Variants in MEA1 observed in about 807,000 individuals in gnomAD.
MEA1 encodes Male-enhanced antigen (H-Y structural gene).
MEA1 carries 22 observed loss-of-function variants against 21.4 expected under a neutral mutation model. That is an observed-to-expected ratio of 1.03 (90% CI 0.73 to 1.47). The LOEUF (loss-of-function observed/expected upper bound fraction) is 1.47. MEA1 is among the 40% of genes most tolerant of loss of function. MEA1 has a pLI of 0.00. For missense variants in MEA1, 233 were observed against 230.5 expected (o/e 1.01, Z -0.07); for synonymous variants, 91 against 85.5 (o/e 1.06, Z -0.35).
chr6:43,013,519 C>T, intron 1 of MEA1, 130 bp from the exon 2 acceptor site: 1 of 1,028,312 alleles, frequency 9.7e-7, no homozygotes, highest in Non-Finnish European at 1.4e-6. Context: ...CATCCTCCAC[C>T]CCTCCGCCCC....
At position 43,012,952 on chromosome 6, in the gene MEA1, T is replaced by A. The variant is rs754402915; in HGVS notation, c.380A>T (p.Asn127Ile). The A allele has an allele frequency of 6.2e-7, 1 of 1,614,036 alleles. No homozygotes were observed. Among genetic ancestry groups the A allele is most frequent in the South Asian group, 1.1e-5 (1 of 91,088 alleles). ...TGGGTCCATGGGAATAGAGCTGTGGTTGTTCAACGCTGTAGCTCCCTCCTC... is the reference window on the plus strand; with the variant it reads ...TGGGTCCATGGGAATAGAGCTGTGGATGTTCAACGCTGTAGCTCCCTCCTC... The part of the protein sequence containing the change: ...EDEEGATALN[N>I]HSSIPMDPEH... The change falls in exon 3 of 4, where the codon AAC becomes ATC. Residue 127 changes from asparagine (N) to isoleucine (I), a missense_variant. Transcript: ENST00000244711.
chr6:43,011,243 A>G lies in MEA1; in HGVS notation c.*1227T>C. On this transcript the variant is annotated 3_prime_UTR_variant, in exon 4 of 4. Transcript: ENST00000244711. ...ACCATCAAGGCACTGGAGGCGCACA[A>G]GCGGGCGGAAGAGTTCCTAACTGCC... is the stretch of plus-strand genomic sequence containing the variant. 1.2e-6 allele frequency: 2 copies of G among 1,614,086 alleles called. No individual in the cohort carries two copies. Among genetic ancestry groups the G allele is most frequent in the Non-Finnish European group, 1.7e-6 (2 of 1,180,008 alleles).
upstream of MEA1, among the ~76,000 whole-genome samples, chr6:43,016,090 C>T (rs867602239): frequency 4.0e-5 from 6 of 151,840 alleles, no homozygotes; most frequent in East Asian, 2.0e-4. Context: ...TGCGCGCCAC[C>T]GTGCCCAGCT....
At position 43,013,929 on chromosome 6, in the gene MEA1, G is replaced by A. The variant is rs1414055613; in HGVS notation, c.-116C>T. ...AGAGCCCGCGGCCTCCACTTCCGGC[G>A]GGGCAGGACGTGCAGAGGTGCCTAG... On this transcript the variant is annotated 5_prime_UTR_variant, in exon 1 of 4. Transcript: ENST00000244711. 2.9e-5 allele frequency: 43 copies of A among 1,471,408 alleles called. No homozygotes were observed. Among genetic ancestry groups the A allele is most frequent in the Non-Finnish European group, 3.7e-5 (41 of 1,111,126 alleles). 91.1% of individuals were successfully genotyped at this position (1,471,408 alleles called of 1,614,324 possible).
At chr6:43,015,920 C>A (rs1289203298), upstream of MEA1, among the ~76,000 whole-genome samples, 1 of 149,846 alleles carries the variant, frequency 6.7e-6, no homozygotes, top group Non-Finnish European at 1.5e-5. Flanking sequence ...TGCCCAAGGG[C>A]ATTTTTTGCC....
At position 43,012,426 on chromosome 6, in the gene MEA1, G is replaced by C. The variant is rs190925869; in HGVS notation, c.*44C>G. Reference sequence around the variant, plus strand: ...CAGGGATGTGTTCAGTCCTGTGCTGGTTCTGGCCTGGAATGTAGGAATATA... The same window carrying C: ...CAGGGATGTGTTCAGTCCTGTGCTGCTTCTGGCCTGGAATGTAGGAATATA... On this transcript the variant is annotated 3_prime_UTR_variant, in exon 4 of 4. Transcript: ENST00000244711. 1.8e-4 allele frequency: 275 copies of C among 1,546,556 alleles called. No individual in the cohort carries two copies. The highest frequency in any genetic ancestry group is 2.3e-4 in the Non-Finnish European group (266 of 1,147,620).
rs762130343 is a variant in MEA1, at chr6:43,013,320, T to A, written c.98A>T (p.Gln33Leu). Residue 33 changes from glutamine to leucine, a missense_variant, in exon 2 of 4, where the codon CAG (glutamine) becomes CTG (leucine). Gln to Leu is a moderately radical substitution (Grantham distance 113, BLOSUM62 -2). Coordinates refer to ENST00000244711, the MANE Select transcript of MEA1 (RefSeq NM_014623.4). ...TMGPERIFPN[Q>L]TEELGHQGPS... ...GCCCTGATGTCCCAGTTCCTCAGTC[T>A]GATTGGGGAAGATACGCTCAGGGCC... The A allele has an allele frequency of 5.6e-6, 9 of 1,613,974 alleles. No homozygotes were observed. In the East Asian group the frequency reaches 2.0e-4, roughly 36 times the overall value.
chr6:43,012,363 G>A lies in MEA1; in HGVS notation c.*107C>T. 2 of 1,490,238 alleles carry A rather than the reference G, an allele frequency of 1.3e-6. No individual in the cohort carries two copies. The highest frequency in any genetic ancestry group is 1.8e-6 in the Non-Finnish European group (2 of 1,119,402). The allele number at this position is 1,490,238 out of a possible 1,614,324, so 92.3% of individuals were successfully genotyped here. A position where few individuals can be genotyped will look rare whatever the true frequency, so the allele number is the denominator to read the frequency against. Reference sequence around the variant, plus strand: ...GAGAAGTCTGATGTGCCTTGATGTGGAAAGGGAGACGGGGAAGATGGAAAT... The same window carrying A: ...GAGAAGTCTGATGTGCCTTGATGTGAAAAGGGAGACGGGGAAGATGGAAAT... On this transcript the variant is annotated 3_prime_UTR_variant, in exon 4 of 4. Transcript: ENST00000244711.
upstream of MEA1, chr6:43,014,219 CT>C (rs1762498342): frequency 7.9e-7 from 1 of 1,260,136 alleles, no homozygotes; most frequent in Admixed American, 2.9e-5. Flanking sequence ...GCGCGCACAG[CT>C]GCCCGCCGGA....
At chr6:43,015,801 C>CTGAG (rs1762555790), upstream of MEA1, among the ~76,000 whole-genome samples, 1 of 142,230 alleles carries the variant, frequency 7.0e-6, no homozygotes, top group African/African-American at 2.7e-5. Context: ...TTGCAGTGAG[C>CTGAG]TGAGATTGCA....
chr6:43,014,842 G>A (rs1401685374), upstream of MEA1, among the ~76,000 whole-genome samples: 1 of 152,128 alleles, frequency 6.6e-6, no homozygotes, highest in African/African-American at 2.4e-5. Context: ...AGAAGGGCGA[G>A]AAATGGGGAA....
Position 43,012,176 on chromosome 6 carries a change from C to A in MEA1, c.*294G>T. The A allele has an allele frequency of 9.0e-7, 1 of 1,113,074 alleles. No homozygotes were observed. The highest frequency in any genetic ancestry group is 1.1e-6 in the Non-Finnish European group (1 of 912,080). 68.9% of individuals were successfully genotyped at this position (1,113,074 alleles called of 1,614,324 possible). ...TCCCTTATAGGTACCTTGGAGGGGC[C>A]AGGGGCTGAGGAAGGCCGGACCCAG... On this transcript the variant is annotated 3_prime_UTR_variant, in exon 4 of 4. Transcript: ENST00000244711.
upstream of MEA1, chr6:43,014,658 C>T (rs1581873439): frequency 6.6e-6 from 3 of 455,582 alleles, no homozygotes; most frequent in Non-Finnish European, 1.3e-5. Flanking sequence ...CTAGGGGAGG[C>T]CGGAATGTCT....
upstream of MEA1, among the ~76,000 whole-genome samples, chr6:43,015,710 C>T (rs1299094938): frequency 6.6e-6 from 1 of 151,896 alleles, no homozygotes; most frequent in Non-Finnish European, 1.5e-5. Flanking sequence ...ATTAGCTGGG[C>T]ATGGTGGCAG....
At chr6:43,014,676 G>A, upstream of MEA1, 1 of 455,410 alleles carries the variant, frequency 2.2e-6, no homozygotes, top group Non-Finnish European at 4.4e-6. Context: ...TCTGGAAGAA[G>A]ACAGGGATAG....
At position 43,012,334 on chromosome 6, in the gene MEA1, C is replaced by A. The variant is rs1443593360; in HGVS notation, c.*136G>T. ...ATGTACAGAACTGAATAAAGTGGGT[C>A]TCTGAGAAGTCTGATGTGCCTTGAT... On this transcript the variant is annotated 3_prime_UTR_variant, in exon 4 of 4. Transcript: ENST00000244711. 3 of 1,471,812 alleles carry A rather than the reference C, an allele frequency of 2.0e-6. No individual in the cohort carries two copies. Among genetic ancestry groups the A allele is most frequent in the Non-Finnish European group, 2.7e-6 (3 of 1,111,986 alleles). The allele number at this position is 1,471,812 out of a possible 1,614,324, so 91.2% of individuals were successfully genotyped here. A position where few individuals can be genotyped will look rare whatever the true frequency, so the allele number is the denominator to read the frequency against.
intron 1 of MEA1, 172 bp downstream of exon 1, chr6:43,013,614 G>C (rs533815614): frequency 3.1e-5 from 26 of 834,574 alleles, no homozygotes; most frequent in Non-Finnish European, 4.6e-5. Context: ...CCACTTCCTA[G>C]TTAAACGCCC....
rs1231726222 is a variant in MEA1, at chr6:43,012,552, G to A, written c.476C>T (p.Ala159Val). Residue 159 changes from alanine to valine, a missense_variant, in exon 4 of 4, where the codon GCT (alanine) becomes GTT (valine). Transcript: ENST00000244711. ...CCACTGGGCATCCGATATCTCCCGA[G>A]CCCAGGCAGGAACCCCTGGCGCAGG... ...SLPAPGVPAW[A>V]REISDAQWED... 9 of 1,612,556 alleles carry A rather than the reference G, an allele frequency of 5.6e-6. No individual in the cohort carries two copies. Among genetic ancestry groups the A allele is most frequent in the Non-Finnish European group, 6.8e-6 (8 of 1,179,438 alleles).
At position 43,012,346 on chromosome 6, in the gene MEA1, T is replaced by C; in HGVS notation, c.*124A>G. The C allele has an allele frequency of 6.8e-7, 1 of 1,479,522 alleles. No individual in the cohort carries two copies. The highest frequency in any genetic ancestry group is 1.4e-5 in the South Asian group (1 of 69,334). The allele number at this position is 1,479,522 out of a possible 1,614,324, so 91.6% of individuals were successfully genotyped here. A position where few individuals can be genotyped will look rare whatever the true frequency, so the allele number is the denominator to read the frequency against. On this transcript the variant is annotated 3_prime_UTR_variant, in exon 4 of 4. Transcript: ENST00000244711. ...GAATAAAGTGGGTCTCTGAGAAGTC[T>C]GATGTGCCTTGATGTGGAAAGGGAG... is the stretch of plus-strand genomic sequence containing the variant.
Sources: allele counts gnomAD v4.1 joint callset (sites outside exome capture counted in the v4.1 genomes callset), GRCh38; gene constraint gnomAD v4.1.1; transcripts MANE v1.5; gene names NCBI Gene and HGNC (gene_info 2026-07-23, HGNC 2026-07-21).